USP28: variants seen among roughly 807,000 people sequenced by gnomAD.
USP28 encodes the protein ubiquitin carboxyl-terminal hydrolase 28.
USP28 carries 113 observed loss-of-function variants against 145.0 expected under a neutral mutation model. The ratio of observed to expected loss-of-function variants is 0.78; its 90% CI spans 0.67 to 0.91. The LOEUF is 0.91. Among genes scored for constraint, USP28 ranks in the 40% least tolerant of loss-of-function variants. The probability of loss-of-function intolerance (pLI) is 0.00; values close to 1 mark genes in which losing one functional copy is unlikely to be tolerated. For missense variants in USP28, 1,201 were observed against 1,289.6 expected (o/e 0.93, Z 1.05); for synonymous variants, 447 against 450.9 (o/e 0.99, Z 0.11).
intron 5 of USP28, among the ~76,000 whole-genome samples, chr11:113,836,329 A>C (rs1944567464): frequency 6.6e-6 from 1 of 152,054 alleles, no homozygotes; most frequent in Non-Finnish European, 1.5e-5. Context: ...TTTATAACCT[A>C]ACTGCTTTCT....
At position 113,812,519 on chromosome 11, in the gene USP28, G is replaced by T. The variant is rs1162574543; in HGVS notation, c.1744-15C>A. Reference sequence around the variant, plus strand: ...CGATAAGGCACCTGTAAGTCAGAATGTACATTCCCCAGTCAGGTGAAGCAA... The same window carrying T: ...CGATAAGGCACCTGTAAGTCAGAATTTACATTCCCCAGTCAGGTGAAGCAA... On this transcript the variant is annotated splice_polypyrimidine_tract_variant and intron_variant, in intron 15 of 24. Transcript: ENST00000003302. 2 of 1,609,870 alleles carry T rather than the reference G, an allele frequency of 1.2e-6. No homozygotes were observed. The highest frequency in any genetic ancestry group is 3.3e-5 in the Admixed American group (2 of 59,972).
At chr11:113,874,510 T>C (rs1334766256) in intron 1 of USP28, 1 of 1,287,588 alleles carries the variant, frequency 7.8e-7, no homozygotes, top group Admixed American at 2.3e-5. Flanking sequence ...TATAAAAGGA[T>C]TCTCACCTGA....
intron 1 of USP28, among the ~76,000 whole-genome samples, chr11:113,869,472 C>A (rs1315860149): frequency 6.6e-6 from 1 of 151,924 alleles, no homozygotes; most frequent in Non-Finnish European, 1.5e-5. Flanking sequence ...GTGGTGCATA[C>A]CTGTGGTCCC....
In USP28 at chr11:113,875,546, G is replaced by C. The variant is rs1949306850; in HGVS notation, c.-45C>G. Reference sequence around the variant, plus strand: ...GGGTCACCGGTCTCCCGCCGCAGCCGCCGCCGGCCCAGCCTCTCAGGACTA... The same window carrying C: ...GGGTCACCGGTCTCCCGCCGCAGCCCCCGCCGGCCCAGCCTCTCAGGACTA... On this transcript the variant is annotated 5_prime_UTR_variant, in exon 1 of 25. Transcript: ENST00000003302. 9 of 1,130,330 alleles carry C rather than the reference G, an allele frequency of 8.0e-6. No homozygotes were observed. The South Asian group carries it at 3.3e-4, about 42-fold the overall frequency. The allele number at this position is 1,130,330 out of a possible 1,614,324, so 70.0% of individuals were successfully genotyped here. A position where few individuals can be genotyped will look rare whatever the true frequency, so the allele number is the denominator to read the frequency against.
intron 14 of USP28, 119 bp downstream of exon 14, chr11:113,815,055 G>T (rs557872961): frequency 3.4e-6 from 3 of 876,164 alleles, no homozygotes; most frequent in Non-Finnish European, 5.2e-6. Context: ...CCATCTCGGC[G>T]GGGGGGAAAT....
rs1225939578 is a variant in USP28 at position 113,861,140 on chromosome 11, C to A, written c.58-6805G>T. ...CTACACCTCAAAAAAAAAAAAAAAA[C>A]CACCTCTGTCTGGACAACAGAGATG... On this transcript the variant is annotated intron_variant, in intron 1 of 24. Transcript: ENST00000003302. Among the ~76,000 whole-genome samples, 41 of 147,992 alleles carry A rather than the reference C, an allele frequency of 2.8e-4. No homozygotes were observed. In the South Asian group the frequency reaches 6.4e-3, roughly 23 times the overall value.
At chr11:113,825,181 C>CA (rs1443446880) in intron 11 of USP28, among the ~76,000 whole-genome samples, 3 of 152,054 alleles carry the variant, frequency 2.0e-5, no homozygotes, top group Non-Finnish European at 4.4e-5. Flanking sequence ...GACATAAGAC[C>CA]AGACAACAGA....
intron 3 of USP28, among the ~76,000 whole-genome samples, chr11:113,850,930 T>C (rs1187883773): frequency 6.6e-6 from 1 of 152,176 alleles, no homozygotes; most frequent in Non-Finnish European, 1.5e-5. Flanking sequence ...ATTTCAAATT[T>C]AGTATTCCCC....
intron 1 of USP28, among the ~76,000 whole-genome samples, chr11:113,862,962 C>A (rs943535840): frequency 1.3e-5 from 2 of 152,296 alleles, no homozygotes; most frequent in Middle Eastern, 3.4e-3. Context: ...GAAAGCTTTA[C>A]CCCTAAAATC....
At chr11:113,867,458 G>A (rs748404561) in intron 1 of USP28, among the ~76,000 whole-genome samples, 10 of 151,884 alleles carry the variant, frequency 6.6e-5, no homozygotes, top group African/African-American at 1.7e-4. Context: ...AGTAGAGACG[G>A]GGCTTCACCA....
intron 1 of USP28, among the ~76,000 whole-genome samples, chr11:113,872,457 A>T (rs1326574753): frequency 1.3e-5 from 2 of 151,568 alleles, no homozygotes; most frequent in Admixed American, 1.3e-4. Flanking sequence ...ACTGCACTTC[A>T]GCCTGGGCAA....
intron 22 of USP28, 72 bp downstream of exon 23, chr11:113,803,726 T>TCAC: frequency 2.4e-6 from 3 of 1,241,804 alleles, no homozygotes; most frequent in Non-Finnish European, 3.5e-6. Context: ...TGACTCTTAG[T>TCAC]ATTCCCAGGT....
chr11:113,841,912 G>A, intron 3 of USP28, 144 bp from the exon 4 acceptor site: 1 of 459,896 alleles, frequency 2.2e-6, no homozygotes, highest in East Asian at 3.4e-5. Flanking sequence ...CTACTGCATA[G>A]TCAAATGAGT....
intron 18 of USP28, 62 bp from the exon 19 acceptor site, chr11:113,808,198 T>A: frequency 6.5e-7 from 1 of 1,542,042 alleles, no homozygotes; most frequent in Non-Finnish European, 8.7e-7. Context: ...AGGGGTTGGT[T>A]AAAGGCAGCA....
At position 113,849,342 on chromosome 11, in the gene USP28, A is replaced by G. The variant is rs112138002; in HGVS notation, c.268+3159T>C. ...GATGGCAGTTCCAAGGTGAATGGACAACATCCTATTTGGAAGGAAGGACGC... is the reference window on the plus strand; with the variant it reads ...GATGGCAGTTCCAAGGTGAATGGACGACATCCTATTTGGAAGGAAGGACGC... On this transcript the variant is annotated intron_variant, in intron 3 of 24. Transcript: ENST00000003302. Among the ~76,000 whole-genome samples, 969 of 152,354 alleles carry G rather than the reference A, an allele frequency of 6.4e-3. 6 individuals carry two copies. The highest frequency in any genetic ancestry group is 0.022 in the African/African-American group (915 of 41,588).
At chr11:113,862,291 G>T (rs894506007) in intron 1 of USP28, among the ~76,000 whole-genome samples, 24 of 152,222 alleles carry the variant, frequency 1.6e-4, no homozygotes, top group Non-Finnish European at 2.9e-5. Flanking sequence ...AGGTTGCAGT[G>T]AGCTGAGACT....
chr11:113,818,934 C>G (rs77207622), intron 12 of USP28, among the ~76,000 whole-genome samples: 1 of 151,348 alleles, frequency 6.6e-6, no homozygotes, highest in East Asian at 1.9e-4. Flanking sequence ...TGTTCATCTA[C>G]TGAATTCCTT....
At chr11:113,819,608 A>C (rs1942303476) in intron 12 of USP28, among the ~76,000 whole-genome samples, 1 of 152,248 alleles carries the variant, frequency 6.6e-6, no homozygotes, top group African/African-American at 2.4e-5. Flanking sequence ...TGTAACCTTA[A>C]AAAATAAAAT....
chr11:113,841,643 T>G lies in USP28; in HGVS notation c.374+20A>C. ...TACACACAAATGTGGGGGGCAAGAATTATAAGTTAAATCAATAACCTGTTA... is the reference window on the plus strand; with the variant it reads ...TACACACAAATGTGGGGGGCAAGAAGTATAAGTTAAATCAATAACCTGTTA... On this transcript the variant is annotated intron_variant, in intron 4 of 24. Coordinates refer to ENST00000003302, the Ensembl canonical transcript of USP28. 1 of 1,545,704 alleles carries G rather than the reference T, an allele frequency of 6.5e-7. No homozygotes were observed. The highest frequency in any genetic ancestry group is 8.9e-7 in the Non-Finnish European group (1 of 1,124,810).
Sources: gnomAD v4.1 joint callset for allele counts (sites outside exome capture counted in the v4.1 genomes callset) on GRCh38, gnomAD v4.1.1 for gene constraint, MANE v1.5 for transcripts, NCBI Gene and HGNC (gene_info 2026-07-23, HGNC 2026-07-21) for gene names.